The following PLEKHH2 variants were observed in gnomAD, a reference collection of about 807,000 sequenced individuals.
The protein encoded by PLEKHH2 is pleckstrin homology domain-containing family H member 2.
PLEKHH2 carries 129 observed loss-of-function variants against 187.9 expected under a neutral mutation model. The ratio of observed to expected loss-of-function variants is 0.69; its 90% CI spans 0.59 to 0.79. The LOEUF is 0.79. Among genes scored for constraint, PLEKHH2 ranks in the 30% least tolerant of loss-of-function variants. The pLI, the probability that PLEKHH2 is intolerant of heterozygous loss-of-function variation, is 0.00. For missense variants in PLEKHH2, 2,076 were observed against 1,751.2 expected, an observed-to-expected ratio of 1.19 and a Z score of -3.31; for synonymous variants, 686 against 605.6, an observed-to-expected ratio of 1.13 and a Z score of -1.95.
chr2:43,743,551 T>A (rs1671659599), intron 22 of PLEKHH2, among the ~76,000 whole-genome samples: 1 of 152,238 alleles, frequency 6.6e-6, no homozygotes, highest in Admixed American at 6.5e-5. Context: ...TTCTAATGGG[T>A]AAGCATAATA....
At chr2:43,695,766 G>A (rs1291608866) in intron 6 of PLEKHH2, among the ~76,000 whole-genome samples, 2 of 152,198 alleles carry the variant, frequency 1.3e-5, no homozygotes, top group African/African-American at 2.4e-5. Context: ...CACTCCAGAA[G>A]TCCAAGAAGA....
At chr2:43,652,680 G>T (rs1347920422) in intron 2 of PLEKHH2, among the ~76,000 whole-genome samples, 1 of 152,158 alleles carries the variant, frequency 6.6e-6, no homozygotes, top group African/African-American at 2.4e-5. Flanking sequence ...CCACATATGT[G>T]CCAAAGTTTC....
chr2:43,683,302 G>T (rs1043589306), intron 3 of PLEKHH2, among the ~76,000 whole-genome samples: 3 of 151,730 alleles, frequency 2.0e-5, no homozygotes, highest in Non-Finnish European at 4.4e-5. Flanking sequence ...TCCACGCCTA[G>T]CTCATTTTGT....
At chr2:43,709,470 ATG>A (rs1558535623) in intron 11 of PLEKHH2, among the ~76,000 whole-genome samples, 6 of 152,220 alleles carry the variant, frequency 3.9e-5, no homozygotes, top group African/African-American at 1.4e-4. Context: ...TATTTTATAT[ATG>A]TAAAATAGCT....
At chr2:43,684,067 C>T (rs1668373672) in intron 3 of PLEKHH2, among the ~76,000 whole-genome samples, 1 of 152,166 alleles carries the variant, frequency 6.6e-6, no homozygotes, top group Non-Finnish European at 1.5e-5. Context: ...CCATAGTTTA[C>T]ATTAGTGTTT....
At chr2:43,687,962 A>T (rs565729605) in intron 3 of PLEKHH2, among the ~76,000 whole-genome samples, 1 of 151,970 alleles carries the variant, frequency 6.6e-6, no homozygotes, top group Non-Finnish European at 1.5e-5. Flanking sequence ...ATACTCAGCT[A>T]ATATTTTAGA....
intron 24 of PLEKHH2, among the ~76,000 whole-genome samples, chr2:43,750,842 G>T (rs1671980167): frequency 6.6e-6 from 1 of 152,140 alleles, no homozygotes; most frequent in Non-Finnish European, 1.5e-5. Flanking sequence ...GAAGCCTTGG[G>T]AATTCCAAGG....
At chr2:43,741,199 G>A in intron 21 of PLEKHH2, 156 bp downstream of exon 21, 2 of 539,308 alleles carry the variant, frequency 3.7e-6, no homozygotes, top group South Asian at 4.1e-5. Flanking sequence ...TGTGGAGCTA[G>A]GAAAATATTT....
At chr2:43,698,378 G>C (rs1572575810) in intron 7 of PLEKHH2, among the ~76,000 whole-genome samples, 1 of 151,676 alleles carries the variant, frequency 6.6e-6, no homozygotes. Flanking sequence ...ATCCCTAGTA[G>C]CCAGGACTAT....
chr2:43,652,840 G>A (rs1008533672), intron 2 of PLEKHH2, among the ~76,000 whole-genome samples: 5 of 152,114 alleles, frequency 3.3e-5, no homozygotes, highest in Non-Finnish European at 7.3e-5. Context: ...AACAAAATGA[G>A]CAAAACTCTA....
chr2:43,710,209 T>C lies in PLEKHH2; in HGVS notation c.2104-11T>C, dbSNP rs890239177. ...AACTGAAAATGCTTTTGTCTATCTT[T>C]TAAAAATTAGGAACCACTGGAAAAA... On this transcript the variant is annotated splice_polypyrimidine_tract_variant and intron_variant, in intron 12 of 29. Transcript: ENST00000282406. 2.5e-6 allele frequency: 4 copies of C among 1,612,716 alleles called. No homozygotes were observed. In the African/African-American group the frequency reaches 5.3e-5, roughly 22 times the overall value.
chr2:43,679,077 A>C (rs1668027728), intron 3 of PLEKHH2, 152 bp downstream of exon 3: 1 of 485,194 alleles, frequency 2.1e-6, no homozygotes, highest in Admixed American at 3.8e-5. Flanking sequence ...GGAGAATCTA[A>C]CTCTATTTTG....
chr2:43,637,295 G>C lies in PLEKHH2; in HGVS notation c.-88G>C, dbSNP rs1351504541. ...TCCGAGCTCGGCTTGAGGCGGGCGC[G>C]GGCTGAGAGTCCGGGGATCCCGGGG... On this transcript the variant is annotated 5_prime_UTR_variant, in exon 1 of 30. Coordinates refer to ENST00000282406, the MANE Select transcript of PLEKHH2 (RefSeq NM_172069.4). 5 of 152,440 alleles carry C rather than the reference G, an allele frequency of 3.3e-5. No homozygotes were observed. Among genetic ancestry groups the C allele is most frequent in the Non-Finnish European group, 7.3e-5 (5 of 68,206 alleles). 9.4% of individuals were successfully genotyped at this position (152,440 alleles called of 1,614,324 possible).
chr2:43,648,768 C>CG (rs1180418570), intron 2 of PLEKHH2, among the ~76,000 whole-genome samples: 1 of 151,550 alleles, frequency 6.6e-6, no homozygotes, highest in East Asian at 2.0e-4. Context: ...TGGGTAGAGA[C>CG]GGGGTTTCAC....
At chr2:43,698,091 C>G (rs1271791360) in intron 7 of PLEKHH2, among the ~76,000 whole-genome samples, 1 of 152,202 alleles carries the variant, frequency 6.6e-6, no homozygotes, top group South Asian at 2.1e-4. Context: ...TCTCTACTTT[C>G]AGCTCCAACT....
intron 14 of PLEKHH2, chr2:43,710,822 A>T (rs758722005): frequency 8.0e-7 from 1 of 1,257,184 alleles, no homozygotes; most frequent in African/African-American, 1.6e-5. Context: ...TTCTTTCCTC[A>T]TATTTAATCT....
At chr2:43,739,676 A>G (rs1314297299) in intron 20 of PLEKHH2, among the ~76,000 whole-genome samples, 1 of 152,186 alleles carries the variant, frequency 6.6e-6, no homozygotes, top group Non-Finnish European at 1.5e-5. Context: ...CATCAAGAAC[A>G]CTTTGTCATC....
In PLEKHH2 at chr2:43,704,022, G is replaced by A. The variant is rs1669524842; in HGVS notation, c.1692G>A (p.Met564Ile). The A allele has an allele frequency of 1.3e-6, 2 of 1,578,588 alleles. No individual in the cohort carries two copies. The highest frequency in any genetic ancestry group is 8.6e-7 in the Non-Finnish European group (1 of 1,162,214). ...IYAVAKSGIR[M>I]SEAFNMESVN... ...CTGTAGCCAAATCAGGTATTCGAAT[G>A]TCTGAGGCCTTCAATATGGAGAGTG... The change falls in exon 9 of 30, where the codon ATG becomes ATA. Residue 564 changes from methionine to isoleucine, a missense_variant. Physicochemically the swap from Met to Ile is conservative, Grantham distance 10. Transcript: ENST00000282406.
At chr2:43,757,322 T>C in intron 26 of PLEKHH2, 58 bp downstream of exon 26, 7 of 1,295,556 alleles carry the variant, frequency 5.4e-6, no homozygotes, top group Non-Finnish European at 7.0e-6. Flanking sequence ...TTTGGTAATA[T>C]TTTTGTGTTC....
Sources: allele counts gnomAD v4.1 joint callset (sites outside exome capture counted in the v4.1 genomes callset), GRCh38; gene constraint gnomAD v4.1.1; transcripts MANE v1.5; gene names NCBI Gene and HGNC (gene_info 2026-07-23, HGNC 2026-07-21).